The following PCSK5 variants were observed in gnomAD, a reference collection of about 807,000 sequenced individuals.
The protein encoded by PCSK5 is prohormone convertase 5.
Under a neutral mutation model 233.2 loss-of-function variants are expected in PCSK5, and 129 were observed. That is an observed-to-expected ratio of 0.55 (90% CI 0.48 to 0.64). PCSK5 has a LOEUF of 0.64. Ranked by LOEUF, PCSK5 falls within the 30% of genes least tolerant of loss-of-function variation. The pLI is 0.00. For synonymous variants in PCSK5, 825 were observed against 879.2 expected, an observed-to-expected ratio of 0.94 and a Z score of 1.09; for missense variants, 2,076 against 2,430.1, an observed-to-expected ratio of 0.85 and a Z score of 3.06.
chr9:76,267,866 G>A (rs1827384431), intron 24 of PCSK5, among the ~76,000 whole-genome samples: 1 of 151,990 alleles, frequency 6.6e-6, no homozygotes, highest in African/African-American at 2.4e-5. Context: ...AAGGAGAAAA[G>A]TCTCCCAAAG....
chr9:76,271,916 T>C (rs919790125), intron 24 of PCSK5, among the ~76,000 whole-genome samples: 2 of 152,190 alleles, frequency 1.3e-5, no homozygotes, highest in African/African-American at 4.8e-5. Flanking sequence ...CCCTTCTGTG[T>C]CTGTGTGTCT....
In PCSK5 at chr9:76,117,931, C is replaced by T. The variant is rs200093553; in HGVS notation, c.1208+10580C>T. Among the ~76,000 whole-genome samples, 7 of 152,150 alleles carry T rather than the reference C, an allele frequency of 4.6e-5. No individual in the cohort carries two copies. The East Asian group carries it at 7.7e-4, about 17-fold the overall frequency. ...GTCATTTAGCTATTGGAAACCTTTG[C>T]GAACAACTTGGAAGAATGTCGTAGC... is the stretch of plus-strand genomic sequence containing the variant. On this transcript the variant is annotated intron_variant, in intron 9 of 37. Transcript: ENST00000674117.
chr9:76,328,095 T>C lies in PCSK5; in HGVS notation c.4426T>C (p.Cys1476Arg), dbSNP rs776665365. Residue 1476 changes from cysteine to arginine, a missense_variant, in exon 33 of 38, where the codon TGC (cysteine) becomes CGC (arginine). Coordinates refer to ENST00000674117, the MANE Select transcript of PCSK5 (RefSeq NM_001372043.1). ...KGLIMNPRGSCMANEKCSPSE... is the reference protein window; with the variant it reads ...KGLIMNPRGSRMANEKCSPSE... The stretch of plus-strand genomic sequence containing the variant: ...CCTGATCATGAACCCTCGTGGGAGC[T>C]GCATGGCCAACGAGAAGTGCTCACC... 2.5e-6 allele frequency: 4 copies of C among 1,612,828 alleles called. No homozygotes were observed. The highest frequency in any genetic ancestry group is 3.4e-6 in the Non-Finnish European group (4 of 1,179,824).
At chr9:76,348,891 T>C (rs967973199) in intron 35 of PCSK5, among the ~76,000 whole-genome samples, 1 of 151,796 alleles carries the variant, frequency 6.6e-6, no homozygotes, top group Non-Finnish European at 1.5e-5. Context: ...AGTGAGAACA[T>C]GTATCTACCC....
At chr9:76,235,343 G>A (rs1024773824) in intron 22 of PCSK5, among the ~76,000 whole-genome samples, 2 of 152,018 alleles carry the variant, frequency 1.3e-5, no homozygotes, top group African/African-American at 4.8e-5. Context: ...GTACAAGATG[G>A]CATCCAAAAT....
chr9:76,161,116 A>G (rs1822833331), intron 12 of PCSK5, among the ~76,000 whole-genome samples: 1 of 152,164 alleles, frequency 6.6e-6, no homozygotes, highest in African/African-American at 2.4e-5. Flanking sequence ...CTGTGCTTAG[A>G]CTTGCTGTGT....
At chr9:76,046,170 T>TG (rs1829373555) in intron 5 of PCSK5, among the ~76,000 whole-genome samples, 1 of 73,256 alleles carries the variant, frequency 1.4e-5, no homozygotes, top group South Asian at 4.8e-4. Flanking sequence ...GTTTTTTTTT[T>TG]TTTTTTTTTT....
At chr9:76,038,584 C>A (rs561464872) in intron 5 of PCSK5, among the ~76,000 whole-genome samples, 18 of 152,276 alleles carry the variant, frequency 1.2e-4, no homozygotes, top group Admixed American at 3.9e-4. Flanking sequence ...CTTCTCTTAT[C>A]CACCCATCTC....
intron 2 of PCSK5, among the ~76,000 whole-genome samples, chr9:75,949,823 C>T (rs947291372): frequency 5.9e-5 from 9 of 152,072 alleles, no homozygotes; most frequent in African/African-American, 2.2e-4. Flanking sequence ...CGCGCCTGGC[C>T]TAACTTTTAA....
At chr9:75,889,829 G>GT (rs997610457), upstream of PCSK5, among the ~76,000 whole-genome samples, 4 of 152,150 alleles carry the variant, frequency 2.6e-5, no homozygotes, top group African/African-American at 9.7e-5. Context: ...AGTAATGAAG[G>GT]TGACGCCGCC....
At chr9:76,309,756 A>G (rs1828810675) in intron 29 of PCSK5, among the ~76,000 whole-genome samples, 1 of 152,232 alleles carries the variant, frequency 6.6e-6, no homozygotes, top group African/African-American at 2.4e-5. Flanking sequence ...TAATAGTGGA[A>G]TCTGATGCAA....
At chr9:76,224,762 G>A (rs1825835595) in intron 20 of PCSK5, among the ~76,000 whole-genome samples, 1 of 152,192 alleles carries the variant, frequency 6.6e-6, no homozygotes, top group African/African-American at 2.4e-5. Flanking sequence ...GACATGCAAA[G>A]CCAGAGTATT....
chr9:76,064,206 G>A (rs922448515), intron 5 of PCSK5, among the ~76,000 whole-genome samples: 3 of 113,378 alleles, frequency 2.6e-5, no homozygotes, highest in South Asian at 3.1e-4. Flanking sequence ...CCTCCCTCCC[G>A]GACGGGGCGG....
chr9:76,136,982 C>T (rs1823009644), intron 10 of PCSK5, among the ~76,000 whole-genome samples: 1 of 152,050 alleles, frequency 6.6e-6, no homozygotes, highest in Non-Finnish European at 1.5e-5. Flanking sequence ...TTTATCCAAC[C>T]TCCTTACATT....
intron 1 of PCSK5, among the ~76,000 whole-genome samples, chr9:75,900,788 T>C (rs1358072507): frequency 6.6e-6 from 1 of 151,808 alleles, no homozygotes; most frequent in African/African-American, 2.4e-5. Flanking sequence ...TGTCCAAGTT[T>C]GGAAGATAAA....
At chr9:76,091,312 T>A (rs1831277312) in intron 7 of PCSK5, among the ~76,000 whole-genome samples, 1 of 150,048 alleles carries the variant, frequency 6.7e-6, no homozygotes. Context: ...GCCTACAATC[T>A]GAGAGAGAGA....
intron 24 of PCSK5, among the ~76,000 whole-genome samples, chr9:76,262,518 C>A (rs1445879900): frequency 6.8e-6 from 1 of 147,370 alleles, no homozygotes; most frequent in African/African-American, 2.5e-5. Context: ...CAAAAACAAA[C>A]AATGGGGAAA....
chr9:76,290,061 G>A (rs149443988), intron 24 of PCSK5, among the ~76,000 whole-genome samples: 25 of 152,306 alleles, frequency 1.6e-4, no homozygotes, highest in Admixed American at 4.6e-4. Flanking sequence ...AATTTCCCCA[G>A]CCCTTGCCAA....
intron 7 of PCSK5, among the ~76,000 whole-genome samples, chr9:76,094,332 G>A (rs1831419765): frequency 6.6e-6 from 1 of 152,124 alleles, no homozygotes; most frequent in Non-Finnish European, 1.5e-5. Flanking sequence ...TTAGGGCCTG[G>A]AAGGAAGAAA....
Sources: allele counts gnomAD v4.1 joint callset (sites outside exome capture counted in the v4.1 genomes callset), GRCh38; gene constraint gnomAD v4.1.1; transcripts MANE v1.5; gene names NCBI Gene and HGNC (gene_info 2026-07-23, HGNC 2026-07-21).